MYO16: variants seen among roughly 807,000 people sequenced by gnomAD.
The protein encoded by MYO16 is unconventional myosin-XVI.
Under a neutral mutation model 205.3 loss-of-function variants are expected in MYO16, and 94 were observed. The ratio of observed to expected loss-of-function variants is 0.46; its 90% CI spans 0.39 to 0.54. The LOEUF (loss-of-function observed/expected upper bound fraction) is 0.54, where lower values mean the gene tolerates loss of function less well. Among genes scored for constraint, MYO16 ranks in the 20% least tolerant of loss-of-function variants. The pLI, the probability that MYO16 is intolerant of heterozygous loss-of-function variation, is 0.00. For missense variants in MYO16, 2,315 were observed against 2,387.5 expected (o/e 0.97, Z 0.63); for synonymous variants, 988 against 954.0 (o/e 1.04, Z -0.66).
the MYO16 span, among the ~76,000 whole-genome samples, chr13:108,516,920 A>G: frequency 1.1e-4 from 16 of 151,124 alleles, no homozygotes; most frequent in Non-Finnish European, 5.9e-5. Flanking sequence ...TTGAGTAATT[A>G]TGTTTTGTTT....
intron 28 of MYO16, among the ~76,000 whole-genome samples, chr13:109,106,094 T>C (rs1425083828): frequency 1.3e-5 from 2 of 152,242 alleles, no homozygotes; most frequent in African/African-American, 4.8e-5. Flanking sequence ...TATTTTGAAA[T>C]GATTTGAGTA....
At chr13:108,810,277 A>G (rs1887248666) in intron 7 of MYO16, among the ~76,000 whole-genome samples, 1 of 152,188 alleles carries the variant, frequency 6.6e-6, no homozygotes. Context: ...ACTGGAATGC[A>G]CGCTTCAGAA....
chr13:108,712,578 A>T, intron 2 of MYO16, 83 bp from the exon 3 acceptor site: 1 of 1,174,186 alleles, frequency 8.5e-7, no homozygotes, highest in Non-Finnish European at 1.3e-6. Flanking sequence ...TGCATTTTAG[A>T]TATTAACGAA....
chr13:108,525,892 C>A, the MYO16 span, among the ~76,000 whole-genome samples: 29,609 of 150,202 alleles, frequency 0.2, 3,081 homozygotes, highest in East Asian at 0.38. Context: ...CCTTTTTTTT[C>A]TTGTTTTAAG....
chr13:108,847,805 G>T (rs1877598699), intron 10 of MYO16, among the ~76,000 whole-genome samples: 1 of 151,624 alleles, frequency 6.6e-6, no homozygotes, highest in Non-Finnish European at 1.5e-5. Context: ...TTTCCCTCCT[G>T]GTTTCCTTTC....
At chr13:108,604,085 G>T (rs1041251888) in intron 1 of MYO16, among the ~76,000 whole-genome samples, 6 of 152,022 alleles carry the variant, frequency 3.9e-5, no homozygotes, top group Non-Finnish European at 7.4e-5. Flanking sequence ...AGGAGGAAAA[G>T]CCCCTTCTAA....
chr13:108,640,512 T>C (rs1489419616), intron 1 of MYO16, among the ~76,000 whole-genome samples: 9 of 152,128 alleles, frequency 5.9e-5, no homozygotes, highest in Admixed American at 5.2e-4. Flanking sequence ...AAATGCTTCA[T>C]TTTTTTGGAG....
At chr13:109,135,664 AT>A (rs1046238739) in intron 31 of MYO16, among the ~76,000 whole-genome samples, 2 of 152,216 alleles carry the variant, frequency 1.3e-5, no homozygotes, top group African/African-American at 2.4e-5. Flanking sequence ...CCTCGCCAAA[AT>A]TTTGAGAGAC....
At chr13:108,790,358 G>A (rs1289629483) in intron 5 of MYO16, among the ~76,000 whole-genome samples, 2 of 152,088 alleles carry the variant, frequency 1.3e-5, no homozygotes, top group Non-Finnish European at 1.5e-5. Flanking sequence ...ATTAAACCAG[G>A]CAGTAATAAT....
intron 20 of MYO16, among the ~76,000 whole-genome samples, chr13:108,965,289 C>A (rs1001212039): frequency 6.6e-6 from 1 of 152,152 alleles, no homozygotes; most frequent in African/African-American, 2.4e-5. Context: ...TCCTTCGGAA[C>A]CTATTTCATG....
At chr13:109,026,132 A>G (rs1886353781) in intron 23 of MYO16, among the ~76,000 whole-genome samples, 1 of 152,218 alleles carries the variant, frequency 6.6e-6, no homozygotes, top group Non-Finnish European at 1.5e-5. Flanking sequence ...CTCCCCACAA[A>G]TGCTTATGCA....
chr13:108,572,144 C>G, the MYO16 span, among the ~76,000 whole-genome samples: 1 of 152,010 alleles, frequency 6.6e-6, no homozygotes, highest in African/African-American at 2.4e-5. Context: ...CCAGGCTGAT[C>G]TCAAACTCCT....
chr13:108,787,104 A>G (rs796243574), intron 5 of MYO16, among the ~76,000 whole-genome samples: 11 of 152,352 alleles, frequency 7.2e-5, no homozygotes, highest in African/African-American at 2.6e-4. Context: ...GCATACTTTG[A>G]AATTTGCTGA....
At chr13:109,069,030 T>G (rs1466105276) in intron 27 of MYO16, among the ~76,000 whole-genome samples, 1 of 152,180 alleles carries the variant, frequency 6.6e-6, no homozygotes, top group Non-Finnish European at 1.5e-5. Context: ...CCCTGACACA[T>G]TGTCCAATGT....
intron 10 of MYO16, among the ~76,000 whole-genome samples, chr13:108,845,526 G>T (rs1472089917): frequency 1.3e-5 from 2 of 152,052 alleles, no homozygotes; most frequent in African/African-American, 4.8e-5. Flanking sequence ...CAGGGAGAGG[G>T]CACTCTCTGG....
intron 1 of MYO16, among the ~76,000 whole-genome samples, chr13:108,600,998 T>G (rs908293171): frequency 6.6e-6 from 1 of 152,148 alleles, no homozygotes; most frequent in African/African-American, 2.4e-5. Context: ...GAGAAAAAAG[T>G]AATCCCAGGT....
chr13:108,566,307 T>G, the MYO16 span, among the ~76,000 whole-genome samples: 1 of 152,178 alleles, frequency 6.6e-6, no homozygotes, highest in Non-Finnish European at 1.5e-5. Flanking sequence ...TCTAATCTAT[T>G]GGTATATAGT....
Position 109,164,995 on chromosome 13 carries a change from A to G in MYO16, c.5259A>G (p.Gly1753=). The part of the protein sequence containing the change: ...ETQDRNANNH[G]IQLSNSLSSA... ...AAGACAGAAATGCAAATAACCATGG[A>G]ATTCAGTTATCTAATTCACTATCTA... Residue 1753 remains glycine, a synonymous_variant, in exon 33 of 35, where the codon GGA becomes GGG. Transcript: ENST00000457511. 1.2e-6 allele frequency: 2 copies of G among 1,605,604 alleles called. No individual in the cohort carries two copies. Among genetic ancestry groups the G allele is most frequent in the Non-Finnish European group, 1.7e-6 (2 of 1,175,378 alleles).
At chr13:108,636,105 G>A (rs149184681) in intron 1 of MYO16, among the ~76,000 whole-genome samples, 34 of 151,640 alleles carry the variant, frequency 2.2e-4, no homozygotes, top group East Asian at 7.8e-4. Flanking sequence ...TGCTTTTGTC[G>A]CATTCTAAAT....
Sources: allele counts gnomAD v4.1 joint callset (sites outside exome capture counted in the v4.1 genomes callset), GRCh38; gene constraint gnomAD v4.1.1; transcripts MANE v1.5; gene names NCBI Gene and HGNC (gene_info 2026-07-23, HGNC 2026-07-21).